TMEM253: variants seen among roughly 807,000 people sequenced by gnomAD.
The protein encoded by TMEM253 is transmembrane protein 253.
TMEM253 carries 22 observed loss-of-function variants against 20.3 expected under a neutral mutation model. The ratio of observed to expected loss-of-function variants is 1.08; its 90% confidence interval spans 0.78 to 1.55. The LOEUF is 1.55. Ranked by LOEUF, TMEM253 falls within the 40% of genes most tolerant of loss-of-function variation. The probability of loss-of-function intolerance (pLI) is 0.00; values close to 1 mark genes in which losing one functional copy is unlikely to be tolerated. For synonymous variants in TMEM253, 92 were observed against 102.6 expected (o/e 0.90, Z 0.62); for missense variants, 251 against 266.1 (o/e 0.94, Z 0.39).
In TMEM253 at chr14:21,101,359, G is replaced by A. The variant is rs1889618856; in HGVS notation, c.16G>A (p.Gly6Ser). 16 of 1,551,648 alleles carry A rather than the reference G, an allele frequency of 1.0e-5. No homozygotes were observed. The East Asian group carries it at 3.9e-4, about 38-fold the overall frequency. ...CAAAGGAGCCATGGAAGATAGAGCTGGTGAGCAAGAGCAGGAGAGACACAG... is the reference window on the plus strand; with the variant it reads ...CAAAGGAGCCATGGAAGATAGAGCTAGTGAGCAAGAGCAGGAGAGACACAG... The change falls in exon 2 of 7, where the codon GGT becomes AGT. Residue 6 changes from glycine to serine, a missense_variant. By Grantham distance (56) the Gly-to-Ser change is moderately conservative (BLOSUM62 0). Coordinates refer to ENST00000556585, the Ensembl canonical transcript of TMEM253.
At chr14:21,101,251 T>C (rs567298554) in intron 1 of TMEM253, 57 bp from the exon 2 acceptor site, 80 of 1,172,654 alleles carry the variant, frequency 6.8e-5, no homozygotes, top group Admixed American at 1.0e-4. Flanking sequence ...AGCTGAAAGA[T>C]ACGTTGTTGC....
chr14:21,103,387 C>A, exon 7 of TMEM253: 1 of 1,412,580 alleles, frequency 7.1e-7, no homozygotes, highest in Non-Finnish European at 9.3e-7. Context: ...TTTTTCGTTC[C>A]TTCCCTGTTA....
At chr14:21,102,301 C>A in intron 4 of TMEM253, 104 bp from the exon 5 acceptor site, 1 of 1,451,688 alleles carries the variant, frequency 6.9e-7, no homozygotes, top group South Asian at 1.3e-5. Flanking sequence ...TGTTTGGAGG[C>A]TGAGAAGCAG....
chr14:21,098,916 C>G (rs542857911), upstream of TMEM253: 300 of 1,229,282 alleles, frequency 2.4e-4, no homozygotes, highest in Admixed American at 6.2e-4. Flanking sequence ...ATTTCTGTCT[C>G]TCTTTTGGGG....
chr14:21,100,789 C>T (rs1001110199), upstream of TMEM253, among the ~76,000 whole-genome samples: 1 of 152,042 alleles, frequency 6.6e-6, no homozygotes, highest in Non-Finnish European at 1.5e-5. Flanking sequence ...AGTAGGATCT[C>T]TAGGGAAGGG....
exon 7 of TMEM253, chr14:21,103,507 C>A: frequency 1.9e-6 from 1 of 518,500 alleles, no homozygotes. Context: ...TACAGCTTCA[C>A]ATTTGCCTCA....
chr14:21,102,623 C>G lies in TMEM253; in HGVS notation c.388-10C>G. 2.6e-6 allele frequency: 4 copies of G among 1,551,330 alleles called. No individual in the cohort carries two copies. Among genetic ancestry groups the G allele is most frequent in the Non-Finnish European group, 3.5e-6 (4 of 1,146,868 alleles). ...GGGGTCCCTGCATTCTCAGCCCTGT[C>G]TACCTGCAGCATGCTGGCTTGCTGG... On this transcript the variant is annotated splice_polypyrimidine_tract_variant and intron_variant, in intron 5 of 6. Coordinates refer to ENST00000556585, the Ensembl canonical transcript of TMEM253.
At chr14:21,102,078 G>C (rs1176443936) in exon 4 of TMEM253, 2 of 1,551,316 alleles carry the variant, frequency 1.3e-6, no homozygotes, top group South Asian at 1.2e-5. Context: ...TCCTCACTGG[G>C]ACTGTCACTC....
chr14:21,100,821 CAAAG>C (rs1889586740), upstream of TMEM253, among the ~76,000 whole-genome samples: 1 of 151,892 alleles, frequency 6.6e-6, no homozygotes, highest in East Asian at 1.9e-4. Flanking sequence ...AGGAGGAAGC[CAAAG>C]AAAGGAGTAA....
At chr14:21,102,332 C>G (rs1425570175) in intron 4 of TMEM253, 73 bp from the exon 5 acceptor site, 22 of 1,516,274 alleles carry the variant, frequency 1.5e-5, no homozygotes, top group Non-Finnish European at 1.6e-5. Flanking sequence ...TTGTCTTCAG[C>G]TAGGCTGCAA....
chr14:21,101,802 G>A, intron 2 of TMEM253, 63 bp from the exon 3 acceptor site: 1 of 1,304,280 alleles, frequency 7.7e-7, no homozygotes, highest in Non-Finnish European at 1.1e-6. Context: ...AAAGAGGTAG[G>A]AGTTACGAGA....
At chr14:21,102,594 G>T (rs1369612849) in intron 5 of TMEM253, 39 bp from the exon 6 acceptor site, 2 of 1,551,182 alleles carry the variant, frequency 1.3e-6, no homozygotes, top group Admixed American at 3.9e-5. Flanking sequence ...GGGCAAACAG[G>T]TGCGGGGTCC....
At chr14:21,100,078 T>A (rs1889537749), upstream of TMEM253, among the ~76,000 whole-genome samples, 1 of 152,096 alleles carries the variant, frequency 6.6e-6, no homozygotes, top group African/African-American at 2.4e-5. Flanking sequence ...AACATATCTA[T>A]CAGGACAGAC....
exon 2 of TMEM253, chr14:21,101,318 AC>A (rs1368439404): frequency 6.5e-7 from 1 of 1,549,326 alleles, no homozygotes; most frequent in Middle Eastern, 1.7e-4. Flanking sequence ...CCTAGGAAGC[AC>A]CTAATTCTTG....
At chr14:21,101,317 C>G in exon 2 of TMEM253, 1 of 1,548,074 alleles carries the variant, frequency 6.5e-7, no homozygotes, top group Non-Finnish European at 8.7e-7. Context: ...GCCTAGGAAG[C>G]ACCTAATTCT....
At chr14:21,103,403 A>AG in exon 7 of TMEM253, 3 of 1,329,384 alleles carry the variant, frequency 2.3e-6, no homozygotes, top group Non-Finnish European at 3.0e-6. Flanking sequence ...TGTTAGGGGA[A>AG]GATACACCTG....
At chr14:21,102,013 G>C (rs1474974683) in intron 3 of TMEM253, 38 bp downstream of exon 3, 1 of 1,550,730 alleles carries the variant, frequency 6.4e-7, no homozygotes, top group Non-Finnish European at 8.7e-7. Flanking sequence ...AGGTCCCAGG[G>C]CCCCTTCCTA....
At chr14:21,101,535 G>A (rs1163541193) in intron 2 of TMEM253, 84 bp downstream of exon 2, 2 of 1,281,890 alleles carry the variant, frequency 1.6e-6, no homozygotes, top group East Asian at 5.1e-5. Context: ...TCCATGTTAA[G>A]TGAGCACCTA....
In TMEM253 at chr14:21,102,138, G is replaced by A. The variant is rs189090055; in HGVS notation, c.276+18G>A. On this transcript the variant is annotated intron_variant, in intron 4 of 6. Transcript: ENST00000556585. ...TTTGGAAGGTGAGAGGGAAGAAAACGCAGCACTGTCCTCCCACTCCCTAAA... is the reference window on the plus strand; with the variant it reads ...TTTGGAAGGTGAGAGGGAAGAAAACACAGCACTGTCCTCCCACTCCCTAAA... 15 of 1,548,110 alleles carry A rather than the reference G, an allele frequency of 9.7e-6. No individual in the cohort carries two copies. Among genetic ancestry groups the A allele is most frequent in the South Asian group, 7.2e-5 (6 of 83,488 alleles).
Sources: gnomAD v4.1 joint callset for allele counts (sites outside exome capture counted in the v4.1 genomes callset) on GRCh38, gnomAD v4.1.1 for gene constraint, MANE v1.5 for transcripts, NCBI Gene and HGNC (gene_info 2026-07-23, HGNC 2026-07-21) for gene names.